Variants in PTPRD observed in about 807,000 individuals in gnomAD.
PTPRD encodes the protein receptor-type tyrosine-protein phosphatase delta.
A neutral mutation model predicts 214.5 loss-of-function variants in PTPRD; 34 were observed. The observed-to-expected ratio is 0.16, with a 90% confidence interval of 0.12 to 0.21. The LOEUF (loss-of-function observed/expected upper bound fraction) is 0.21. Among genes scored for constraint, PTPRD ranks in the 10% least tolerant of loss-of-function variants. The pLI is 1.00. For missense variants in PTPRD, 2,545 were observed against 2,398.7 expected (o/e 1.06, Z -1.27); for synonymous variants, 1,128 against 845.7 (o/e 1.33, Z -5.79).
intron 2 of PTPRD, among the ~76,000 whole-genome samples, chr9:10,358,808 A>C (rs1722673793): frequency 6.6e-6 from 1 of 151,958 alleles, no homozygotes; most frequent in Admixed American, 6.6e-5. Context: ...AAGTCCACTA[A>C]AATCATATAT....
chr9:10,552,851 T>C (rs1200043841), intron 2 of PTPRD, among the ~76,000 whole-genome samples: 1 of 152,164 alleles, frequency 6.6e-6, no homozygotes, highest in Non-Finnish European at 1.5e-5. Context: ...CTTCTCTGTA[T>C]GGAAAAAAGG....
chr9:10,306,056 A>T (rs1215735740), intron 3 of PTPRD, among the ~76,000 whole-genome samples: 1 of 152,144 alleles, frequency 6.6e-6, no homozygotes, highest in African/African-American at 2.4e-5. Flanking sequence ...GATAAAGAAA[A>T]TGTGGCACAT....
At chr9:8,576,062 C>G (rs947715943) in intron 14 of PTPRD, among the ~76,000 whole-genome samples, 5 of 152,160 alleles carry the variant, frequency 3.3e-5, no homozygotes, top group African/African-American at 1.2e-4. Flanking sequence ...TGCATGAAAG[C>G]TTGGGAGCAA....
At chr9:8,696,853 CT>C (rs1295576395) in intron 12 of PTPRD, among the ~76,000 whole-genome samples, 1 of 152,142 alleles carries the variant, frequency 6.6e-6, no homozygotes, top group African/African-American at 2.4e-5. Context: ...AAACCGTTCC[CT>C]TTCTTAGTAT....
At chr9:9,013,807 G>T (rs953113807) in intron 11 of PTPRD, among the ~76,000 whole-genome samples, 2 of 152,112 alleles carry the variant, frequency 1.3e-5, no homozygotes, top group African/African-American at 4.8e-5. Flanking sequence ...GTCAACATTG[G>T]TTTAATCCTT....
chr9:9,792,796 C>T lies in PTPRD; in HGVS notation c.-367-25945G>A, dbSNP rs192076810. Among the ~76,000 whole-genome samples the T allele has an allele frequency of 4.9e-3, 743 of 152,190 alleles. 10 individuals carry two copies. Among genetic ancestry groups the T allele is most frequent in the African/African-American group, 0.017 (719 of 41,530 alleles). On this transcript the variant is annotated intron_variant, in intron 5 of 45. Coordinates refer to ENST00000381196, the MANE Select transcript of PTPRD (RefSeq NM_002839.4). ...ATTAAGAGCAATCCAAAATCTAAAG[C>T]AGCTGGGACAGGTGTTAATTTCAAT...
intron 14 of PTPRD, among the ~76,000 whole-genome samples, chr9:8,621,147 C>A (rs933539447): frequency 4.0e-5 from 6 of 151,808 alleles, no homozygotes; most frequent in African/African-American, 1.5e-4. Flanking sequence ...GCAGGGTAAG[C>A]CTGTCTCTGC....
chr9:9,556,861 A>G (rs1286995374), intron 8 of PTPRD, among the ~76,000 whole-genome samples: 1 of 152,202 alleles, frequency 6.6e-6, no homozygotes, highest in African/African-American at 2.4e-5. Context: ...TCGTTATCAG[A>G]AAAGAACAAA....
chr9:9,428,377 AT>A (rs2143000765), intron 8 of PTPRD, among the ~76,000 whole-genome samples: 1 of 152,328 alleles, frequency 6.6e-6, no homozygotes, highest in East Asian at 1.9e-4. Flanking sequence ...CTAAATATAT[AT>A]GCAGGAGCAC....
intron 2 of PTPRD, among the ~76,000 whole-genome samples, chr9:10,410,752 G>T (rs912484580): frequency 6.6e-6 from 1 of 151,690 alleles, no homozygotes; most frequent in Non-Finnish European, 1.5e-5. Flanking sequence ...GTGATCAATA[G>T]ATATAAAAGT....
intron 14 of PTPRD, among the ~76,000 whole-genome samples, chr9:8,538,014 C>T (rs2077373259): frequency 6.6e-6 from 1 of 151,982 alleles, no homozygotes; most frequent in Non-Finnish European, 1.5e-5. Flanking sequence ...GTACCTTCTC[C>T]TCCTACCTAG....
chr9:8,373,386 A>T, intron 39 of PTPRD, among the ~76,000 whole-genome samples: 1 of 152,022 alleles, frequency 6.6e-6, no homozygotes, highest in East Asian at 1.9e-4. Flanking sequence ...CAGTTTATGC[A>T]GTTCCTTTCC....
intron 8 of PTPRD, among the ~76,000 whole-genome samples, chr9:9,466,484 G>A (rs978241910): frequency 2.6e-5 from 4 of 152,112 alleles, no homozygotes; most frequent in Admixed American, 2.6e-4. Flanking sequence ...GCATTAGAAA[G>A]TTTACATAAT....
At chr9:9,764,391 T>A (rs1442539026) in intron 6 of PTPRD, among the ~76,000 whole-genome samples, 1 of 152,098 alleles carries the variant, frequency 6.6e-6, no homozygotes. Context: ...AAAAAATAAA[T>A]GAAATTTTGA....
chr9:9,970,106 A>G (rs1333932041), intron 4 of PTPRD, among the ~76,000 whole-genome samples: 1 of 152,194 alleles, frequency 6.6e-6, no homozygotes, highest in Non-Finnish European at 1.5e-5. Context: ...TAAGGATTAT[A>G]GGTTTTATTA....
At chr9:8,331,438 A>AAAGAG (rs1196108005) in intron 44 of PTPRD, 144 bp downstream of exon 44, 1 of 969,816 alleles carries the variant, frequency 1.0e-6, no homozygotes, top group Non-Finnish European at 1.5e-6. Context: ...TTATGAAAAG[A>AAAGAG]AAGAGAAATC....
chr9:8,861,410 C>T (rs2098102815), intron 11 of PTPRD: 1 of 152,154 alleles, frequency 6.6e-6, no homozygotes, highest in Non-Finnish European at 1.5e-5. Context: ...GTGCATTATA[C>T]ATACTAAGTT....
At chr9:8,770,538 T>C (rs1340446072) in intron 11 of PTPRD, among the ~76,000 whole-genome samples, 1 of 152,202 alleles carries the variant, frequency 6.6e-6, no homozygotes, top group East Asian at 1.9e-4. Context: ...TATTAGACAA[T>C]GGTGTAGTCA....
In PTPRD at chr9:9,451,400, T is replaced by C. The variant is rs74869028; in HGVS notation, c.-236-53918A>G. Among the ~76,000 whole-genome samples, 7 of 151,916 alleles carry C rather than the reference T, an allele frequency of 4.6e-5. No individual in the cohort carries two copies. The East Asian group carries it at 9.7e-4, about 21-fold the overall frequency. ...AACCACAAAATTTTAATAACAAGAA[T>C]TCATGCAATTTTGCAGTTTGTTTCC... is the stretch of plus-strand genomic sequence containing the variant. On this transcript the variant is annotated intron_variant, in intron 8 of 45. Coordinates refer to ENST00000381196, the MANE Select transcript of PTPRD (RefSeq NM_002839.4).
Sources: gnomAD v4.1 joint callset for allele counts (sites outside exome capture counted in the v4.1 genomes callset) on GRCh38, gnomAD v4.1.1 for gene constraint, MANE v1.5 for transcripts, NCBI Gene and HGNC (gene_info 2026-07-23, HGNC 2026-07-21) for gene names.